NOS1AP: variants seen among roughly 807,000 people sequenced by gnomAD.
NOS1AP encodes carboxyl-terminal PDZ ligand of neuronal nitric oxide synthase protein.
A neutral mutation model predicts 56.2 loss-of-function variants in NOS1AP; 21 were observed. That is an observed-to-expected ratio of 0.37 (90% CI 0.26 to 0.54). NOS1AP has a LOEUF of 0.54. NOS1AP is among the 20% of genes least tolerant of loss of function. NOS1AP has a pLI of 0.84. For synonymous variants in NOS1AP, 270 were observed against 274.6 expected, an observed-to-expected ratio of 0.98 and a Z score of 0.17; for missense variants, 522 against 657.8, an observed-to-expected ratio of 0.79 and a Z score of 2.26.
At chr1:162,170,653 G>A (rs773839940) in intron 2 of NOS1AP, among the ~76,000 whole-genome samples, 11 of 152,124 alleles carry the variant, frequency 7.2e-5, no homozygotes, top group Non-Finnish European at 1.2e-4. Flanking sequence ...CAGGCCAGGC[G>A]CGGTGGCTCA....
At chr1:162,334,243 C>G (rs1162201021) in intron 5 of NOS1AP, among the ~76,000 whole-genome samples, 2 of 152,152 alleles carry the variant, frequency 1.3e-5, no homozygotes, top group Non-Finnish European at 2.9e-5. Context: ...CCTTAACCAC[C>G]CTGTTCCAGG....
At chr1:162,130,497 G>A (rs16856785) in intron 1 of NOS1AP, among the ~76,000 whole-genome samples, 2 of 151,858 alleles carry the variant, frequency 1.3e-5, no homozygotes, top group African/African-American at 4.9e-5. Flanking sequence ...TTCTCAGGCA[G>A]TATCCCTGTG....
At chr1:162,078,338 T>G (rs1383693121) in intron 1 of NOS1AP, among the ~76,000 whole-genome samples, 3 of 152,212 alleles carry the variant, frequency 2.0e-5, no homozygotes, top group Non-Finnish European at 4.4e-5. Flanking sequence ...CCCACCATCC[T>G]CTTGGGCACA....
At chr1:162,234,185 G>A (rs556343022) in intron 2 of NOS1AP, among the ~76,000 whole-genome samples, 2 of 152,288 alleles carry the variant, frequency 1.3e-5, no homozygotes, top group Admixed American at 6.5e-5. Context: ...TCTGGACCTT[G>A]AGAAATGGGT....
chr1:162,112,216 C>T lies in NOS1AP; in HGVS notation c.105+41934C>T, dbSNP rs1015122117. On this transcript the variant is annotated intron_variant, in intron 1 of 9. Transcript: ENST00000361897. ...TACCTCCCTCTCTGATGGTTGGGAA[C>T]TAGTTGTATTCTCCGAAGACTTGCT... is the stretch of plus-strand genomic sequence containing the variant. Among the ~76,000 whole-genome samples the T allele has an allele frequency of 2.6e-5, 4 of 152,192 alleles. No individual in the cohort carries two copies. The East Asian group carries it at 7.7e-4, about 29-fold the overall frequency.
intron 4 of NOS1AP, among the ~76,000 whole-genome samples, chr1:162,319,399 C>T (rs1444633839): frequency 6.6e-6 from 1 of 152,114 alleles, no homozygotes; most frequent in African/African-American, 2.4e-5. Context: ...TGTGATCCCC[C>T]TGCTTAGACT....
At chr1:162,139,093 C>G (rs1219258771) in intron 1 of NOS1AP, among the ~76,000 whole-genome samples, 2 of 151,786 alleles carry the variant, frequency 1.3e-5, no homozygotes, top group Non-Finnish European at 2.9e-5. Context: ...GATGAGGGCT[C>G]TGGCTTGGGG....
At chr1:162,288,137 G>A (rs1034873767) in intron 3 of NOS1AP, among the ~76,000 whole-genome samples, 6 of 152,154 alleles carry the variant, frequency 3.9e-5, no homozygotes, top group East Asian at 3.9e-4. Flanking sequence ...GGCTAGATTC[G>A]TATGGTGGGA....
chr1:162,083,944 G>C (rs1230810037), intron 1 of NOS1AP, among the ~76,000 whole-genome samples: 1 of 152,200 alleles, frequency 6.6e-6, no homozygotes, highest in South Asian at 2.1e-4. Context: ...TGGAATCTCT[G>C]TGGAGTTATA....
chr1:162,079,683 A>G (rs1264499499), intron 1 of NOS1AP, among the ~76,000 whole-genome samples: 1 of 152,210 alleles, frequency 6.6e-6, no homozygotes, highest in Non-Finnish European at 1.5e-5. Context: ...CGTGCATGAC[A>G]CAGAGTTGGC....
intron 4 of NOS1AP, among the ~76,000 whole-genome samples, chr1:162,301,726 T>A (rs1013477452): frequency 1.2e-4 from 19 of 152,326 alleles, no homozygotes; most frequent in East Asian, 3.9e-4. Context: ...ACTTCCTTCC[T>A]GTTTTCCTCA....
chr1:162,249,354 G>A (rs1483497104), intron 2 of NOS1AP, among the ~76,000 whole-genome samples: 2 of 152,136 alleles, frequency 1.3e-5, no homozygotes, highest in African/African-American at 4.8e-5. Context: ...TCAAAATAAA[G>A]CAATGTCTCA....
At chr1:162,089,673 G>C (rs1055514281) in intron 1 of NOS1AP, among the ~76,000 whole-genome samples, 1 of 152,168 alleles carries the variant, frequency 6.6e-6, no homozygotes, top group African/African-American at 2.4e-5. Context: ...TTACAAGAGG[G>C]AGGGAGGGGG....
At chr1:162,232,753 TTGCTTTATTATGTACCTATTA>T (rs1170816786) in intron 2 of NOS1AP, among the ~76,000 whole-genome samples, 1 of 152,076 alleles carries the variant, frequency 6.6e-6, no homozygotes, top group Non-Finnish European at 1.5e-5. Flanking sequence ...AAATAGTTAT[TTGCTTTATTATGTACCTATTA>T]TGTACCTATT....
intron 1 of NOS1AP, among the ~76,000 whole-genome samples, chr1:162,120,643 C>T (rs887556588): frequency 2.6e-5 from 4 of 152,196 alleles, no homozygotes; most frequent in Non-Finnish European, 5.9e-5. Flanking sequence ...AGCATCAGAT[C>T]TCGTGACACT....
rs1291642704 is a variant in NOS1AP at position 162,368,692 on chromosome 1, G to A, written c.*1225G>A. The stretch of plus-strand genomic sequence containing the variant: ...CACTACTCCTTAACGGGCTGGCTGG[G>A]GCAATGAGGAAAAGCTCCTTTGCTC... On this transcript the variant is annotated 3_prime_UTR_variant, in exon 10 of 10. Coordinates refer to ENST00000361897, the MANE Select transcript of NOS1AP (RefSeq NM_014697.3). 1.3e-5 allele frequency: 2 copies of A among 152,242 alleles called. No homozygotes were observed. Among genetic ancestry groups the A allele is most frequent in the African/African-American group, 4.8e-5 (2 of 41,444 alleles). 9.4% of individuals were successfully genotyped at this position (152,242 alleles called of 1,614,324 possible).
chr1:162,223,615 G>GA (rs919269278), intron 2 of NOS1AP, among the ~76,000 whole-genome samples: 2 of 152,108 alleles, frequency 1.3e-5, no homozygotes, highest in South Asian at 2.1e-4. Flanking sequence ...ACATTTGTGA[G>GA]AAAAAAAATT....
At chr1:162,313,315 G>A (rs1191048292) in intron 4 of NOS1AP, among the ~76,000 whole-genome samples, 1 of 152,192 alleles carries the variant, frequency 6.6e-6, no homozygotes, top group East Asian at 1.9e-4. Flanking sequence ...ATAAAGTAGT[G>A]AAGAGTTTTA....
chr1:162,127,472 G>A lies in NOS1AP; in HGVS notation c.106-26933G>A, dbSNP rs551764438. On this transcript the variant is annotated intron_variant, in intron 1 of 9. Coordinates refer to ENST00000361897, the MANE Select transcript of NOS1AP (RefSeq NM_014697.3). The stretch of plus-strand genomic sequence containing the variant: ...AATACTTAAGATAAACATCCTAAAT[G>A]TATTAGTTCGTTCTTGCATTGCCAT... Among the ~76,000 whole-genome samples the A allele has an allele frequency of 1.2e-4, 18 of 150,430 alleles. No homozygotes were observed. In the South Asian group the frequency reaches 2.5e-3, roughly 21 times the overall value.
Sources: gnomAD v4.1 joint callset for allele counts (sites outside exome capture counted in the v4.1 genomes callset) on GRCh38, gnomAD v4.1.1 for gene constraint, MANE v1.5 for transcripts, NCBI Gene and HGNC (gene_info 2026-07-23, HGNC 2026-07-21) for gene names.